The following NEK1 variants were observed in gnomAD, a reference collection of about 807,000 sequenced individuals.
NEK1 encodes NIMA related kinase 1.
NEK1 carries 137 observed loss-of-function variants against 182.1 expected under a neutral mutation model. That is an observed-to-expected ratio of 0.75 (90% CI 0.65 to 0.87). The LOEUF (loss-of-function observed/expected upper bound fraction) is 0.87. Among genes scored for constraint, NEK1 ranks in the 40% least tolerant of loss-of-function variants. The pLI is 0.00. For synonymous variants in NEK1, 513 were observed against 492.2 expected (o/e 1.04, Z -0.56); for missense variants, 1,391 against 1,494.4 (o/e 0.93, Z 1.14).
At chr4:169,541,548 AAG>A (rs1273157739) in intron 18 of NEK1, among the ~76,000 whole-genome samples, 4 of 152,160 alleles carry the variant, frequency 2.6e-5, no homozygotes, top group Non-Finnish European at 4.4e-5. Flanking sequence ...GAGAATCTGA[AAG>A]AGTCTTAGAT....
chr4:169,399,002 C>G (rs1731177444), intron 35 of NEK1, among the ~76,000 whole-genome samples: 1 of 152,130 alleles, frequency 6.6e-6, no homozygotes, highest in African/African-American at 2.4e-5. Context: ...AATCCCAGCA[C>G]TTTGGGAGGC....
rs376641963 is a variant in NEK1, at chr4:169,463,398, A to G, written c.2435-3T>C. 4.2e-5 allele frequency: 67 copies of G among 1,588,106 alleles called. 1 individual carries two copies. In the African/African-American group the frequency reaches 5.7e-4, roughly 13 times the overall value. On this transcript the variant is annotated splice_region_variant and splice_polypyrimidine_tract_variant and intron_variant, in intron 26 of 35. Transcript: ENST00000507142. ...AATAACTTCTCCCACTGTATGTCCTATAAGAAAAATATACAAAGAAACAAT... is the reference window on the plus strand; with the variant it reads ...AATAACTTCTCCCACTGTATGTCCTGTAAGAAAAATATACAAAGAAACAAT...
rs1382521868 is a variant in NEK1, at chr4:169,585,497, A to G, written c.659T>C (p.Phe220Ser). 1 of 1,613,596 alleles carries G rather than the reference A, an allele frequency of 6.2e-7. No individual in the cohort carries two copies. The highest frequency in any genetic ancestry group is 8.5e-7 in the Non-Finnish European group (1 of 1,179,728). Residue 220 changes from phenylalanine to serine, a missense_variant, in exon 10 of 36, where the codon TTT becomes TCT. Phe to Ser is a radical substitution (Grantham distance 155). Around this residue, in one of 5 missense-constraint regions of NEK1, gnomAD observed 1,216 missense variants for 1,277.6 expected, o/e 0.95. Transcript: ENST00000507142. Reference sequence around the variant, plus strand: ...GGAATAATGCAAAGACACAGGTGGAAAAGATCCAGATATTATCTTCAGTAC... The same window carrying G: ...GGAATAATGCAAAGACACAGGTGGAGAAGATCCAGATATTATCTTCAGTAC... ...NLVLKIISGS[F>S]PPVSLHYSYD...
At chr4:169,529,024 G>A (rs981100767) in intron 19 of NEK1, among the ~76,000 whole-genome samples, 1 of 152,118 alleles carries the variant, frequency 6.6e-6, no homozygotes, top group Non-Finnish European at 1.5e-5. Context: ...CGTAATCCAT[G>A]GGCCAAAGAC....
chr4:169,525,389 C>T (rs1179285708), intron 19 of NEK1, among the ~76,000 whole-genome samples: 2 of 152,056 alleles, frequency 1.3e-5, no homozygotes, highest in African/African-American at 2.4e-5. Flanking sequence ...CTCAGCCTCC[C>T]AAAGTGCTGG....
At chr4:169,438,035 A>C in intron 28 of NEK1, 48 bp downstream of exon 28, 1 of 1,408,444 alleles carries the variant, frequency 7.1e-7, no homozygotes, top group Non-Finnish European at 9.6e-7. Flanking sequence ...GTGAAATTTA[A>C]GTTTTTACTA....
intron 23 of NEK1, among the ~76,000 whole-genome samples, chr4:169,482,244 C>A (rs1334086460): frequency 1.3e-5 from 2 of 152,262 alleles, no homozygotes; most frequent in Non-Finnish European, 2.9e-5. Context: ...ATCTAGACCA[C>A]TAAAGCTTTC....
In NEK1 at chr4:169,543,753, G is replaced by A. The variant is rs146971266; in HGVS notation, c.1563-5842C>T. Among the ~76,000 whole-genome samples, 380 of 152,274 alleles carry A rather than the reference G, an allele frequency of 2.5e-3. 1 individual carries two copies. The highest frequency in any genetic ancestry group is 3.3e-3 in the Non-Finnish European group (223 of 68,020). On this transcript the variant is annotated intron_variant, in intron 18 of 35. Transcript: ENST00000507142. The stretch of plus-strand genomic sequence containing the variant: ...ATTTTATTCTCTTTGTAGCAATTGT[G>A]AATGGGAGTTGACTCATAATTTGGC...
chr4:169,610,939 G>GA (rs1456749478), intron 2 of NEK1, among the ~76,000 whole-genome samples: 1 of 152,028 alleles, frequency 6.6e-6, no homozygotes, highest in Non-Finnish European at 1.5e-5. Flanking sequence ...ATCTTCTCAG[G>GA]AAAAAAGTTC....
rs536636709 is a variant in NEK1 at position 169,440,336 on chromosome 4, T to TA, written c.2588-2078dup. Among the ~76,000 whole-genome samples the TA allele has an allele frequency of 4.7e-3, 717 of 152,122 alleles. 3 individuals are homozygous for TA. The highest frequency in any genetic ancestry group is 0.016 in the African/African-American group (661 of 41,514). ...TGAAATATATACCACACAAAAATGG[T>TA]AAAAAATTTTTTTAAAGGGATATTA... On this transcript the variant is annotated intron_variant, in intron 27 of 35. Transcript: ENST00000507142.
chr4:169,580,842 C>G lies in NEK1; in HGVS notation c.868G>C (p.Ala290Pro), dbSNP rs1319026163. ...FSKFGSQPIP[A>P]KRPASGQNSI... Reference sequence around the variant, plus strand: ...AGGCTTCATATCAGATTTCATTTACCTGGTATAGGCTGTGATCCAAACTTC... The same window carrying G: ...AGGCTTCATATCAGATTTCATTTACGTGGTATAGGCTGTGATCCAAACTTC... The change falls in exon 11 of 36, where the codon GCT becomes CCT. Residue 290 changes from alanine (A) to proline (P), a missense_variant and splice_region_variant. Transcript: ENST00000507142. The G allele has an allele frequency of 6.6e-7, 1 of 1,519,390 alleles. No individual in the cohort carries two copies. Among genetic ancestry groups the G allele is most frequent in the South Asian group, 1.2e-5 (1 of 82,074 alleles). 94.1% of individuals were successfully genotyped at this position (1,519,390 alleles called of 1,614,324 possible).
chr4:169,571,704 G>C (rs2150008551), intron 12 of NEK1, among the ~76,000 whole-genome samples: 1 of 152,072 alleles, frequency 6.6e-6, no homozygotes, highest in South Asian at 2.1e-4. Flanking sequence ...GCTGTCGGGG[G>C]CTTTGTAGAC....
At chr4:169,400,860 G>T (rs1052945437) in intron 33 of NEK1, among the ~76,000 whole-genome samples, 5 of 151,396 alleles carry the variant, frequency 3.3e-5, no homozygotes, top group Non-Finnish European at 4.4e-5. Flanking sequence ...TACTTTTCAT[G>T]TATAGATATA....
In NEK1 at chr4:169,424,602, G is replaced by C; in HGVS notation, c.3173C>G (p.Ser1058Cys). The change falls in exon 31 of 36, where the codon TCC becomes TGC. Residue 1058 changes from serine to cysteine, a missense_variant. Ser to Cys is a moderately radical substitution (Grantham distance 112, BLOSUM62 -1). Coordinates refer to ENST00000507142, the MANE Select transcript of NEK1 (RefSeq NM_001199397.3). ...HLPPKNKNKN[S>C]LLIGLSTGLF... The stretch of plus-strand genomic sequence containing the variant: ...ACCAGTTGAAAGTCCAATCAGCAAG[G>C]AATTCTTGTTTTTATTTTTTGGTGG... The C allele has an allele frequency of 6.2e-7, 1 of 1,612,450 alleles. No individual in the cohort carries two copies. The highest frequency in any genetic ancestry group is 1.1e-5 in the South Asian group (1 of 90,928).
chr4:169,590,939 A>G (rs1768376346), intron 5 of NEK1, 130 bp from the exon 6 acceptor site: 1 of 635,102 alleles, frequency 1.6e-6, no homozygotes, highest in African/African-American at 1.8e-5. Context: ...CTTTGTAGGC[A>G]CTGACATTAA....
At chr4:169,574,473 C>T (rs2150022187) in intron 12 of NEK1, among the ~76,000 whole-genome samples, 1 of 152,150 alleles carries the variant, frequency 6.6e-6, no homozygotes, top group South Asian at 2.1e-4. Flanking sequence ...GTGGCGGGCG[C>T]CTGTAGTCCC....
At chr4:169,452,351 C>T (rs1741969836) in intron 27 of NEK1, among the ~76,000 whole-genome samples, 1 of 152,106 alleles carries the variant, frequency 6.6e-6, no homozygotes, top group South Asian at 2.1e-4. Context: ...CAAAGACTGG[C>T]AGAGACACAA....
At chr4:169,549,280 G>A (rs1226500199) in intron 18 of NEK1, among the ~76,000 whole-genome samples, 1 of 152,146 alleles carries the variant, frequency 6.6e-6, no homozygotes, top group Admixed American at 6.5e-5. Flanking sequence ...GCCCTCCTTG[G>A]GCTGTACACA....
chr4:169,587,655 A>C, intron 8 of NEK1, 42 bp from the exon 9 acceptor site: 1 of 1,261,012 alleles, frequency 7.9e-7, no homozygotes, highest in Non-Finnish European at 1.1e-6. Flanking sequence ...AAGTATTTCA[A>C]ATTTTTTCAT....
Sources: gnomAD v4.1 joint callset for allele counts (sites outside exome capture counted in the v4.1 genomes callset) on GRCh38, gnomAD v4.1.1 for gene constraint, gnomAD v4.1.1 regional missense constraint, MANE v1.5 for transcripts, NCBI Gene and HGNC (gene_info 2026-07-23, HGNC 2026-07-21) for gene names.